PTGER3: variants seen among roughly 807,000 people sequenced by gnomAD.
PTGER3 encodes the protein prostaglandin E2 receptor EP3 subtype.
In PTGER3, 22 loss-of-function variants were observed where a neutral mutation model predicts 34.7. The ratio of observed to expected loss-of-function variants is 0.63; its 90% CI spans 0.45 to 0.91. PTGER3 has a LOEUF of 0.91. PTGER3 is among the 40% of genes least tolerant of loss of function. The pLI, the probability that PTGER3 is intolerant of heterozygous loss-of-function variation, is 0.00. For synonymous variants in PTGER3, 241 were observed against 230.1 expected (o/e 1.05, Z -0.43); for missense variants, 468 against 519.4 (o/e 0.90, Z 0.96).
chr1:70,953,791 T>A lies in PTGER3; in HGVS notation c.1078-2A>T. ...CTCTCTGAGTCTTCTTTTTCTCATCTGAAAAAGAGTAATAACAGTATAAGC... is the reference window on the plus strand; with the variant it reads ...CTCTCTGAGTCTTCTTTTTCTCATCAGAAAAAGAGTAATAACAGTATAAGC... On this transcript the variant is annotated splice_acceptor_variant, in intron 2 of 3. Transcript: ENST00000356595. LOFTEE classifies it high-confidence loss of function. The A allele has an allele frequency of 2.3e-6, 3 of 1,330,880 alleles. No homozygotes were observed. The highest frequency in any genetic ancestry group is 1.4e-5 in the South Asian group (1 of 70,680). 82.4% of individuals were successfully genotyped at this position (1,330,880 alleles called of 1,614,324 possible).
chr1:71,006,158 C>T, intron 2 of PTGER3: 2 of 983,726 alleles, frequency 2.0e-6, no homozygotes, highest in African/African-American at 3.5e-5. Flanking sequence ...TAACAAAACT[C>T]TGCCTATCCT....
chr1:70,960,804 A>T (rs995821053), intron 2 of PTGER3, among the ~76,000 whole-genome samples: 4 of 152,220 alleles, frequency 2.6e-5, no homozygotes, highest in Non-Finnish European at 5.9e-5. Flanking sequence ...TAGTATCTGG[A>T]TTTAATTCAT....
rs1184062851 is a variant in PTGER3, at chr1:70,963,613, C to G, written c.1078-9824G>C. Among the ~76,000 whole-genome samples the G allele has an allele frequency of 2.6e-5, 4 of 152,210 alleles. No homozygotes were observed. In the East Asian group the frequency reaches 7.7e-4, roughly 29 times the overall value. ...TGCCTGAACGGTACCTTGGCTCCCTCTAGCCATGGCTGGAGCAGCTGCAGG... is the reference window on the plus strand; with the variant it reads ...TGCCTGAACGGTACCTTGGCTCCCTGTAGCCATGGCTGGAGCAGCTGCAGG... On this transcript the variant is annotated intron_variant, in intron 2 of 3. Transcript: ENST00000356595.
intron 2 of PTGER3, among the ~76,000 whole-genome samples, chr1:70,999,668 C>G (rs148663161): frequency 6.6e-6 from 1 of 152,288 alleles, no homozygotes; most frequent in East Asian, 1.9e-4. Flanking sequence ...GCACAAGTAT[C>G]TTCTGCTTTT....
At chr1:71,007,790 C>T (rs761622828) in intron 2 of PTGER3, 167 of 985,054 alleles carry the variant, frequency 1.7e-4, no homozygotes, top group Non-Finnish European at 1.8e-4. Flanking sequence ...AGACGTTTGG[C>T]TTACTTTAAT....
chr1:70,919,234 C>T (rs1044353197), intron 4 of PTGER3, among the ~76,000 whole-genome samples: 1 of 152,038 alleles, frequency 6.6e-6, no homozygotes. Flanking sequence ...CCAAATAGAC[C>T]CTGAGTTTTG....
intron 4 of PTGER3, among the ~76,000 whole-genome samples, chr1:70,893,042 C>A (rs118143751): frequency 1.9e-4 from 29 of 152,132 alleles, no homozygotes; most frequent in Middle Eastern, 3.4e-3. Flanking sequence ...AAAAACGTTT[C>A]CTTACTATTG....
intron 2 of PTGER3, among the ~76,000 whole-genome samples, chr1:70,963,163 T>C (rs961606951): frequency 7.9e-5 from 12 of 152,180 alleles, no homozygotes; most frequent in Non-Finnish European, 1.8e-4. Flanking sequence ...AAAAGGTGGG[T>C]TCTCATAATC....
chr1:70,859,439 T>G (rs959137448), intron 4 of PTGER3, among the ~76,000 whole-genome samples: 3 of 152,230 alleles, frequency 2.0e-5, no homozygotes, highest in Non-Finnish European at 2.9e-5. Context: ...TCACCTGTGT[T>G]CCTTACAATT....
intron 4 of PTGER3, among the ~76,000 whole-genome samples, chr1:70,930,933 T>A (rs1041380007): frequency 6.6e-6 from 1 of 152,136 alleles, no homozygotes; most frequent in African/African-American, 2.4e-5. Context: ...TCTTAACCCA[T>A]TTCAGCATTA....
At chr1:71,022,750 TACACACAC>T (rs200900606) in intron 1 of PTGER3, among the ~76,000 whole-genome samples, 4 of 150,734 alleles carry the variant, frequency 2.7e-5, no homozygotes, top group Non-Finnish European at 5.9e-5. Flanking sequence ...CACACACACA[TACACACAC>T]AAATGAACAG....
At chr1:70,928,521 T>C in intron 4 of PTGER3, among the ~76,000 whole-genome samples, 1 of 152,064 alleles carries the variant, frequency 6.6e-6, no homozygotes, top group East Asian at 1.9e-4. Flanking sequence ...TAGTCACAGC[T>C]ACTCAGGGGA....
intron 2 of PTGER3, among the ~76,000 whole-genome samples, chr1:70,963,655 C>A (rs531614477): frequency 6.6e-6 from 1 of 152,292 alleles, no homozygotes; most frequent in South Asian, 2.1e-4. Context: ...AGCCCCTGGC[C>A]TGCACACAGC....
chr1:70,991,097 A>G (rs1655437788), intron 2 of PTGER3, among the ~76,000 whole-genome samples: 1 of 152,052 alleles, frequency 6.6e-6, no homozygotes, highest in African/African-American at 2.4e-5. Flanking sequence ...ACTTCACTCA[A>G]TTCTTCTCTC....
chr1:71,022,086 A>G (rs1658470697), intron 1 of PTGER3, among the ~76,000 whole-genome samples: 1 of 151,816 alleles, frequency 6.6e-6, no homozygotes, highest in Non-Finnish European at 1.5e-5. Context: ...GGCAATATCT[A>G]TTTTCTTCTC....
chr1:71,037,165 CAT>C, intron 1 of PTGER3, among the ~76,000 whole-genome samples: 1 of 152,318 alleles, frequency 6.6e-6, no homozygotes, highest in Middle Eastern at 3.4e-3. Flanking sequence ...AGGCCAATCT[CAT>C]GTGTGATAGT....
At chr1:70,874,675 T>G (rs1399530888) in intron 4 of PTGER3, among the ~76,000 whole-genome samples, 1 of 152,178 alleles carries the variant, frequency 6.6e-6, no homozygotes, top group Non-Finnish European at 1.5e-5. Flanking sequence ...TCCTTCTGTC[T>G]CTGTCTCTCT....
chr1:71,016,923 G>A (rs567454249), intron 1 of PTGER3, among the ~76,000 whole-genome samples: 2 of 151,958 alleles, frequency 1.3e-5, no homozygotes, highest in Non-Finnish European at 2.9e-5. Context: ...ATTATACACC[G>A]AATTTACTTA....
intron 4 of PTGER3, among the ~76,000 whole-genome samples, chr1:70,892,807 C>T (rs1302843267): frequency 1.4e-5 from 2 of 144,722 alleles, no homozygotes; most frequent in Non-Finnish European, 3.0e-5. Context: ...TGCCACTGCA[C>T]TCCAGCCTGG....
Sources: gnomAD v4.1 joint callset for allele counts (sites outside exome capture counted in the v4.1 genomes callset) on GRCh38, gnomAD v4.1.1 for gene constraint, MANE v1.5 for transcripts, NCBI Gene and HGNC (gene_info 2026-07-23, HGNC 2026-07-21) for gene names.